Variants in ITGAV observed in about 807,000 individuals in gnomAD.
ITGAV encodes the protein integrin subunit alpha V, also known as integrin alpha-V.
ITGAV carries 76 observed loss-of-function variants against 143.8 expected under a neutral mutation model. The observed-to-expected ratio is 0.53, with a 90% CI of 0.44 to 0.64. The LOEUF (loss-of-function observed/expected upper bound fraction) is 0.64. ITGAV is among the 30% of genes least tolerant of loss of function. The pLI is 0.00. For synonymous variants in ITGAV, 453 were observed against 446.7 expected, an observed-to-expected ratio of 1.01 and a Z score of -0.18; for missense variants, 1,193 against 1,274.7, an observed-to-expected ratio of 0.94 and a Z score of 0.98.
Position 186,652,024 on chromosome 2 carries a change from C to A in ITGAV, c.1440C>A (p.Tyr480Ter). 1 of 1,613,498 alleles carries A rather than the reference C, an allele frequency of 6.2e-7. No individual in the cohort carries two copies. Residue 480 changes from tyrosine (Y) to a stop codon, truncating the protein, a stop_gained, in exon 15 of 30, where the codon TAC becomes TAA. Transcript: ENST00000261023. LOFTEE classifies it high-confidence loss of function. ...VITVNAGLEV[Y>*]PSILNQDNKT... is the part of the protein sequence containing the mutation. The stretch of plus-strand genomic sequence containing the variant: ...CTGTAAATGCTGGTCTTGAAGTGTA[C>A]CCTAGCATTTTAAATCAAGACAATA...
At chr2:186,603,459 T>G (rs1227335165) in intron 2 of ITGAV, among the ~76,000 whole-genome samples, 1 of 151,424 alleles carries the variant, frequency 6.6e-6, no homozygotes, top group Non-Finnish European at 1.5e-5. Flanking sequence ...TTTTCAGGGT[T>G]TTTTTTTTCC....
At position 186,602,093 on chromosome 2, in the gene ITGAV, C is replaced by A. The variant is rs764465877; in HGVS notation, c.258C>A (p.Val86=). ...TQPGIVEGGQ[V]LKCDWSSTRR... ...CTGGGATTGTGGAAGGAGGGCAGGT[C>A]CTCAAATGTGACTGGTCTTCTACCC... is the stretch of plus-strand genomic sequence containing the variant. The change falls in exon 2 of 30, where the codon GTC becomes GTA. Residue 86 remains valine, a synonymous_variant. Coordinates refer to ENST00000261023, the MANE Select transcript of ITGAV (RefSeq NM_002210.5). 8 of 1,613,402 alleles carry A rather than the reference C, an allele frequency of 5.0e-6. No individual in the cohort carries two copies. The highest frequency in any genetic ancestry group is 6.8e-6 in the Non-Finnish European group (8 of 1,179,562).
At chr2:186,658,942 G>A in intron 17 of ITGAV, 96 bp from the exon 18 acceptor site, 1 of 769,406 alleles carries the variant, frequency 1.3e-6, no homozygotes, top group Non-Finnish European at 2.0e-6. Flanking sequence ...TGAAGGCTCA[G>A]GGATGAATAC....
rs1392904183 is a variant in ITGAV, at chr2:186,680,531, A to G, written c.*3239A>G. 1 of 152,564 alleles carries G rather than the reference A, an allele frequency of 6.6e-6. No individual in the cohort carries two copies. Among genetic ancestry groups the G allele is most frequent in the African/African-American group, 2.4e-5 (1 of 41,460 alleles). 9.5% of individuals were successfully genotyped at this position (152,564 alleles called of 1,614,324 possible). On this transcript the variant is annotated 3_prime_UTR_variant, in exon 30 of 30. Transcript: ENST00000261023. Reference sequence around the variant, plus strand: ...AAGTTGTCATTAATTTAGTAAGCCTAATATAAACAAATATTTGTATTATTT... The same window carrying G: ...AAGTTGTCATTAATTTAGTAAGCCTGATATAAACAAATATTTGTATTATTT...
rs61763611 is a variant in ITGAV at position 186,594,739 on chromosome 2, A to G, written c.185+4216A>G. 8.2e-3 allele frequency among the ~76,000 whole-genome samples: 1,249 copies of G among 152,310 alleles called. 19 individuals are homozygous for G. The highest frequency in any genetic ancestry group is 0.028 in the African/African-American group (1,169 of 41,562). ...AACCTGTGTGTATTTTTAAAACTTC[A>G]TGTACCATTTCTACTCTTACCATTT... On this transcript the variant is annotated intron_variant, in intron 1 of 29. Coordinates refer to ENST00000261023, the MANE Select transcript of ITGAV (RefSeq NM_002210.5).
At chr2:186,660,204 G>C (rs1250527863) in intron 18 of ITGAV, among the ~76,000 whole-genome samples, 1 of 151,906 alleles carries the variant, frequency 6.6e-6, no homozygotes, top group Non-Finnish European at 1.5e-5. Context: ...CACTACTTTT[G>C]ATTAATTTTC....
At chr2:186,617,901 G>T (rs965681188) in intron 2 of ITGAV, among the ~76,000 whole-genome samples, 4 of 152,180 alleles carry the variant, frequency 2.6e-5, no homozygotes, top group African/African-American at 9.6e-5. Context: ...AGTTTCTGCA[G>T]TTGTCTGTGT....
intron 2 of ITGAV, among the ~76,000 whole-genome samples, chr2:186,611,202 A>G (rs1687207524): frequency 6.6e-6 from 1 of 152,026 alleles, no homozygotes; most frequent in African/African-American, 2.4e-5. Context: ...TAATGAGTCC[A>G]CCCAGCTAAT....
At chr2:186,617,269 A>C (rs1055206495) in intron 2 of ITGAV, among the ~76,000 whole-genome samples, 1 of 152,210 alleles carries the variant, frequency 6.6e-6, no homozygotes, top group African/African-American at 2.4e-5. Flanking sequence ...AAGAAACAAA[A>C]CATTTTGCTT....
intron 4 of ITGAV, among the ~76,000 whole-genome samples, chr2:186,626,163 A>T (rs1317334391): frequency 1.3e-5 from 2 of 152,218 alleles, no homozygotes; most frequent in African/African-American, 4.8e-5. Context: ...TTCTTTGTTA[A>T]CCTGCTACCA....
chr2:186,652,452 A>C (rs186339891), intron 15 of ITGAV, among the ~76,000 whole-genome samples: 3 of 151,970 alleles, frequency 2.0e-5, no homozygotes, highest in African/African-American at 4.8e-5. Flanking sequence ...TCAGCCTCCT[A>C]AAGTGCTAGG....
chr2:186,667,248 G>A lies in ITGAV; in HGVS notation c.2327+18G>A. Reference sequence around the variant, plus strand: ...ATAAGAGGGTCAGTATGAATACTTAGTTGAGTATCTCATTCTCATGATTGC... The same window carrying A: ...ATAAGAGGGTCAGTATGAATACTTAATTGAGTATCTCATTCTCATGATTGC... On this transcript the variant is annotated intron_variant, in intron 23 of 29. Coordinates refer to ENST00000261023, the MANE Select transcript of ITGAV (RefSeq NM_002210.5). 6.5e-7 allele frequency: 1 copy of A among 1,548,248 alleles called. No homozygotes were observed. Among genetic ancestry groups the A allele is most frequent in the South Asian group, 1.1e-5 (1 of 87,876 alleles).
intron 2 of ITGAV, among the ~76,000 whole-genome samples, chr2:186,605,458 T>C (rs3843325): frequency 1 from 151,590 of 152,318 alleles, 75,436 homozygotes; most frequent in Middle Eastern, 1. Context: ...TCCAACTCCC[T>C]CTTCTCACCT....
intron 1 of ITGAV, among the ~76,000 whole-genome samples, chr2:186,601,740 TG>T (rs1686912515): frequency 6.6e-6 from 1 of 152,096 alleles, no homozygotes; most frequent in Non-Finnish European, 1.5e-5. Context: ...TACAATAAAC[TG>T]TACATATTTA....
chr2:186,622,268 G>T, intron 2 of ITGAV, 71 bp from the exon 3 acceptor site: 1 of 1,030,892 alleles, frequency 9.7e-7, no homozygotes. Flanking sequence ...AACCTAGCTG[G>T]GGATAAAAAT....
rs1279333520 is a variant in ITGAV, at chr2:186,652,776, ATAT to A, written c.1505+690_1505+692del. Among the ~76,000 whole-genome samples the A allele has an allele frequency of 2.0e-5, 3 of 152,226 alleles. No homozygotes were observed. The East Asian group carries it at 5.8e-4, about 29-fold the overall frequency. On this transcript the variant is annotated intron_variant, in intron 15 of 29. Transcript: ENST00000261023. Reference sequence around the variant, plus strand: ...ATGAAAAAAATTATTTTGCTCTAATATATTAATTTTCTGCTTATTCCTTTACTA... The same window carrying A: ...ATGAAAAAAATTATTTTGCTCTAATATAATTTTCTGCTTATTCCTTTACTA...
At chr2:186,600,302 C>A in intron 1 of ITGAV, 1 of 1,534,416 alleles carries the variant, frequency 6.5e-7, no homozygotes, top group Non-Finnish European at 8.8e-7. Flanking sequence ...CCCTCATCCC[C>A]ACCCCCCACT....
At chr2:186,603,781 C>T (rs1428437372) in intron 2 of ITGAV, among the ~76,000 whole-genome samples, 1 of 151,778 alleles carries the variant, frequency 6.6e-6, no homozygotes, top group Non-Finnish European at 1.5e-5. Flanking sequence ...AACATTTGCA[C>T]ATGGTAAAAC....
intron 4 of ITGAV, among the ~76,000 whole-genome samples, chr2:186,628,311 TTTG>T (rs144865188): frequency 1.1e-4 from 17 of 152,112 alleles, no homozygotes; most frequent in African/African-American, 2.4e-4. Context: ...CTTTTGAGTT[TTTG>T]TTGTTGTTGT....
Sources: allele counts gnomAD v4.1 joint callset (sites outside exome capture counted in the v4.1 genomes callset), GRCh38; gene constraint gnomAD v4.1.1; transcripts MANE v1.5; gene names NCBI Gene and HGNC (gene_info 2026-07-23, HGNC 2026-07-21).